PRR27: variants seen among roughly 807,000 people sequenced by gnomAD.
PRR27 encodes the protein proline rich 27.
Under a neutral mutation model 16.8 loss-of-function variants are expected in PRR27, and 12 were observed. The observed-to-expected ratio is 0.71, with a 90% CI of 0.46 to 1.16. PRR27 has a LOEUF of 1.16. Ranked by LOEUF, PRR27 falls within the 50% of genes most tolerant of loss-of-function variation. PRR27 has a pLI of 0.00. For missense variants in PRR27, 277 were observed against 273.3 expected (o/e 1.01, Z -0.10); for synonymous variants, 100 against 98.4 (o/e 1.02, Z -0.10).
rs1048982894 is a variant in PRR27, at chr4:70,158,245, T to C, written c.76-83T>C. ...AATTCTTTCAAAATATCATTACTTA[T>C]CATATATCATCACAGTTGTACCATA... On this transcript the variant is annotated intron_variant, in intron 2 of 4. Coordinates refer to ENST00000344526, the MANE Select transcript of PRR27 (RefSeq NM_214711.4). The C allele has an allele frequency of 2.3e-5, 19 of 841,666 alleles. No individual in the cohort carries two copies. In the African/African-American group the frequency reaches 2.5e-4, roughly 11 times the overall value. 52.1% of individuals were successfully genotyped at this position (841,666 alleles called of 1,614,324 possible).
rs563477050 is a variant in PRR27 at position 70,164,819 on chromosome 4, G to A, written c.*2158G>A. On this transcript the variant is annotated 3_prime_UTR_variant, in exon 5 of 5. Coordinates refer to ENST00000344526, the MANE Select transcript of PRR27 (RefSeq NM_214711.4). ...ATAATTGCTAATGGTACATTATGTG[G>A]TGTTTAGTATCACATTTAGAATGTA... 6.6e-6 allele frequency: 1 copy of A among 152,072 alleles called. No homozygotes were observed. Among genetic ancestry groups the A allele is most frequent in the African/African-American group, 2.4e-5 (1 of 41,426 alleles). 9.4% of individuals were successfully genotyped at this position (152,072 alleles called of 1,614,324 possible).
intron 2 of PRR27, 80 bp from the exon 3 acceptor site, chr4:70,158,248 T>G: frequency 1.2e-6 from 1 of 861,472 alleles, no homozygotes. Context: ...TTACTTATCA[T>G]ATATCATCAC....
intron 3 of PRR27, 133 bp downstream of exon 3, chr4:70,159,033 C>A: frequency 1.3e-6 from 1 of 784,148 alleles, no homozygotes; most frequent in Non-Finnish European, 2.0e-6. Flanking sequence ...ATACAATTGA[C>A]ATACCACAAA....
chr4:70,159,000 A>C, intron 3 of PRR27, 100 bp downstream of exon 3: 1 of 1,078,144 alleles, frequency 9.3e-7, no homozygotes, highest in East Asian at 2.5e-5. Context: ...ATCAACTTAA[A>C]TATTTTGAAC....
In PRR27 at chr4:70,164,062, C is replaced by T. The variant is rs1431307063; in HGVS notation, c.*1401C>T. On this transcript the variant is annotated 3_prime_UTR_variant, in exon 5 of 5. Transcript: ENST00000344526. ...TAAATCCCTCTTCTGCAACCCAGTG[C>T]TTTTTGTTCTATTACTGACTTCTTT... is the stretch of plus-strand genomic sequence containing the variant. 1 of 152,094 alleles carries T rather than the reference C, an allele frequency of 6.6e-6. No homozygotes were observed. The highest frequency in any genetic ancestry group is 1.5e-5 in the Non-Finnish European group (1 of 68,014). The allele number at this position is 152,094 out of a possible 1,614,324, so 9.4% of individuals were successfully genotyped here.
chr4:70,160,129 T>C (rs1022453000), intron 3 of PRR27, among the ~76,000 whole-genome samples: 1 of 152,168 alleles, frequency 6.6e-6, no homozygotes, highest in African/African-American at 2.4e-5. Flanking sequence ...GTTTAGAGAA[T>C]GGATCCCTTC....
At chr4:70,156,421 A>G (rs1193255647) in intron 2 of PRR27, among the ~76,000 whole-genome samples, 1 of 152,152 alleles carries the variant, frequency 6.6e-6, no homozygotes. Flanking sequence ...TTAGTGATGA[A>G]TCTGGAGATG....
Position 70,154,368 on chromosome 4 carries a change from C to T in PRR27, c.-8C>T, listed in dbSNP as rs1157875670. On this transcript the variant is annotated 5_prime_UTR_variant, in exon 1 of 5. Transcript: ENST00000344526. ...TTTATAGTGTTAATATTCATAGGGT[C>T]AATCAAAATGAAGCTTCTCCTTTGG... 6.2e-7 allele frequency: 1 copy of T among 1,605,480 alleles called. No individual in the cohort carries two copies. Among genetic ancestry groups the T allele is most frequent in the Non-Finnish European group, 8.5e-7 (1 of 1,172,432 alleles).
rs13105196 is a variant in PRR27 at position 70,165,056 on chromosome 4, T to C, written c.*2395T>C. The C allele has an allele frequency of 0.63, 95,692 of 151,908 alleles. 31,704 individuals are homozygous for C. Among genetic ancestry groups the C allele is most frequent in the East Asian group, 0.88 (4,530 of 5,158 alleles). The allele number at this position is 151,908 out of a possible 1,614,324, so 9.4% of individuals were successfully genotyped here. Reference sequence around the variant, plus strand: ...AATATTTTGTTTTTAGTGTTCATTTTTTTCCTCCTGACTACATTGAGATGA... The same window carrying C: ...AATATTTTGTTTTTAGTGTTCATTTCTTTCCTCCTGACTACATTGAGATGA... On this transcript the variant is annotated 3_prime_UTR_variant, in exon 5 of 5. Transcript: ENST00000344526.
At chr4:70,156,575 C>G (rs1728487282) in intron 2 of PRR27, among the ~76,000 whole-genome samples, 1 of 152,160 alleles carries the variant, frequency 6.6e-6, no homozygotes, top group Non-Finnish European at 1.5e-5. Flanking sequence ...AGCAAATACC[C>G]ATAAATTATC....
In PRR27 at chr4:70,163,116, G is replaced by A. The variant is rs939540037; in HGVS notation, c.*455G>A. ...CATGTTAATGAACTATGCTATCCATGACTTAATGGACAGTTCAAATGTGAC... is the reference window on the plus strand; with the variant it reads ...CATGTTAATGAACTATGCTATCCATAACTTAATGGACAGTTCAAATGTGAC... On this transcript the variant is annotated 3_prime_UTR_variant, in exon 5 of 5. Coordinates refer to ENST00000344526, the MANE Select transcript of PRR27 (RefSeq NM_214711.4). The A allele has an allele frequency of 1.3e-5, 2 of 152,238 alleles. No individual in the cohort carries two copies. The highest frequency in any genetic ancestry group is 1.3e-4 in the Admixed American group (2 of 15,288). 9.4% of individuals were successfully genotyped at this position (152,238 alleles called of 1,614,324 possible). A position where few individuals can be genotyped will look rare whatever the true frequency, so the allele number is the denominator to read the frequency against.
At position 70,158,534 on chromosome 4, in the gene PRR27, CT is replaced by C; in HGVS notation, c.284del (p.Leu95Ter). On this transcript the variant is annotated frameshift_variant, in exon 3 of 5. Transcript: ENST00000344526. LOFTEE classifies it high-confidence loss of function. ...ATGTCTATCACATCCGTGGTTTTCC[CT>C]TAGCTACTCAGTTGAATGTTCCTCC... ...PYVYHIRGFP[L>X]ATQLNVPPLP... 3 of 1,614,132 alleles carry C rather than the reference CT, an allele frequency of 1.9e-6. No individual in the cohort carries two copies. The highest frequency in any genetic ancestry group is 2.5e-6 in the Non-Finnish European group (3 of 1,180,006).
At chr4:70,160,443 C>CTCTCTCTCTCTGTG (rs1298386504) in intron 3 of PRR27, among the ~76,000 whole-genome samples, 4 of 68,702 alleles carry the variant, frequency 5.8e-5, no homozygotes, top group South Asian at 8.6e-4. Context: ...CTCTCTCTCT[C>CTCTCTCTCTCTGTG]TGTGTGTGTG....
intron 2 of PRR27, 142 bp downstream of exon 2, chr4:70,156,219 C>T (rs867873913): frequency 2.3e-5 from 10 of 444,328 alleles, no homozygotes; most frequent in Middle Eastern, 6.0e-4. Flanking sequence ...TAAACTCTTC[C>T]GATTTGATAG....
chr4:70,157,225 G>A (rs571301265), intron 2 of PRR27, among the ~76,000 whole-genome samples: 1 of 152,148 alleles, frequency 6.6e-6, no homozygotes, highest in African/African-American at 2.4e-5. Flanking sequence ...AAGCTTGACT[G>A]GCTGGGGAAT....
intron 1 of PRR27, chr4:70,154,753 G>A (rs973763850): frequency 1.9e-5 from 25 of 1,332,558 alleles, no homozygotes; most frequent in Non-Finnish European, 2.3e-5. Context: ...TAGAATGCTG[G>A]ATTGGGCTTC....
chr4:70,157,259 A>C (rs1728504707), intron 2 of PRR27, among the ~76,000 whole-genome samples: 1 of 152,064 alleles, frequency 6.6e-6, no homozygotes, highest in Non-Finnish European at 1.5e-5. Flanking sequence ...CACAAGAAGA[A>C]AGAAACCTTG....
At chr4:70,155,928 C>T (rs1728465817) in intron 1 of PRR27, 126 bp from the exon 2 acceptor site, 2 of 609,734 alleles carry the variant, frequency 3.3e-6, no homozygotes, top group Admixed American at 3.6e-5. Context: ...ATATTAGTTA[C>T]TCAAATTTCA....
chr4:70,154,807 C>A (rs1226841236), intron 1 of PRR27: 5 of 1,280,404 alleles, frequency 3.9e-6, no homozygotes, highest in Non-Finnish European at 5.1e-6. Flanking sequence ...TATGTACAGA[C>A]ATTAGGGATA....
Sources: allele counts gnomAD v4.1 joint callset (sites outside exome capture counted in the v4.1 genomes callset), GRCh38; gene constraint gnomAD v4.1.1; transcripts MANE v1.5; gene names NCBI Gene and HGNC (gene_info 2026-07-23, HGNC 2026-07-21).